MATN2: variants seen among roughly 807,000 people sequenced by gnomAD.
MATN2 encodes matrilin 2.
Under a neutral mutation model 103.2 loss-of-function variants are expected in MATN2, and 69 were observed. The ratio of observed to expected loss-of-function variants is 0.67; its 90% CI spans 0.55 to 0.82. The LOEUF (loss-of-function observed/expected upper bound fraction) is 0.82, where lower values mean the gene tolerates loss of function less well. Ranked by LOEUF, MATN2 falls within the 40% of genes least tolerant of loss-of-function variation. The pLI is 0.00. For synonymous variants in MATN2, 429 were observed against 450.2 expected (o/e 0.95, Z 0.60); for missense variants, 1,023 against 1,211.5 (o/e 0.84, Z 2.31).
chr8:98,025,008 T>C (rs1347480555), intron 13 of MATN2: 25 of 152,214 alleles, frequency 1.6e-4, no homozygotes, highest in Admixed American at 1.5e-3. Flanking sequence ...AGTTTTGTTC[T>C]GTAAGAAAAA....
Position 98,032,256 on chromosome 8 carries a change from C to T in MATN2, c.2520C>T (p.Asp840=), listed in dbSNP as rs1814055439. Reference sequence around the variant, plus strand: ...TCTTTTTCTGCTCAGCTCTAGAAGACTCCGATGGAAGACAGGACTCTCCAG... The same window carrying T: ...TCTTTTTCTGCTCAGCTCTAGAAGATTCCGATGGAAGACAGGACTCTCCAG... The part of the protein sequence containing the change: ...LKKGICEALE[D]SDGRQDSPAG... The change falls in exon 16 of 19, where the codon GAC becomes GAT. Residue 840 remains aspartate, a synonymous_variant. Transcript: ENST00000254898. The T allele has an allele frequency of 6.2e-7, 1 of 1,611,220 alleles. No homozygotes were observed. The highest frequency in any genetic ancestry group is 1.3e-5 in the African/African-American group (1 of 74,882).
chr8:97,924,148 T>C (rs2513838), intron 2 of MATN2, among the ~76,000 whole-genome samples: 100,223 of 152,090 alleles, frequency 0.66, 33,740 homozygotes, highest in East Asian at 0.94. Context: ...CTCGTTTGGC[T>C]ACATGATAAC....
intron 2 of MATN2, among the ~76,000 whole-genome samples, chr8:97,914,116 G>A (rs890962339): frequency 1.3e-5 from 2 of 152,042 alleles, no homozygotes; most frequent in Non-Finnish European, 2.9e-5. Context: ...CATTCTCTCT[G>A]GTGCCTTCTC....
chr8:97,993,440 C>T (rs1347153763), intron 6 of MATN2, among the ~76,000 whole-genome samples: 1 of 151,622 alleles, frequency 6.6e-6, no homozygotes, highest in Non-Finnish European at 1.5e-5. Flanking sequence ...TGCTCAGATT[C>T]TGCAATAAAA....
At chr8:97,884,600 G>A (rs1011297002) in intron 1 of MATN2, among the ~76,000 whole-genome samples, 29 of 151,982 alleles carry the variant, frequency 1.9e-4, no homozygotes, top group Middle Eastern at 3.2e-3. Flanking sequence ...ATGAAACCCC[G>A]CCTCTACTAA....
intron 6 of MATN2, among the ~76,000 whole-genome samples, chr8:97,992,899 G>A (rs1329232428): frequency 2.0e-5 from 3 of 150,764 alleles, no homozygotes; most frequent in Admixed American, 6.6e-5. Flanking sequence ...CAGCCTGGGC[G>A]ATGGAGCGAG....
chr8:97,930,914 C>T (rs745966754), intron 2 of MATN2, 39 bp from the exon 3 acceptor site: 4 of 1,447,146 alleles, frequency 2.8e-6, no homozygotes, highest in Non-Finnish European at 3.8e-6. Flanking sequence ...CCACACCTGG[C>T]CTCTCTTCTA....
At chr8:97,879,730 G>A (rs1392143160) in intron 1 of MATN2, among the ~76,000 whole-genome samples, 1 of 152,226 alleles carries the variant, frequency 6.6e-6, no homozygotes, top group East Asian at 1.9e-4. Context: ...AGGAAAAGAT[G>A]ACTTTGTGTC....
chr8:97,880,083 CTTTT>C (rs5893432), intron 1 of MATN2, among the ~76,000 whole-genome samples: 15 of 108,628 alleles, frequency 1.4e-4, no homozygotes, highest in Non-Finnish European at 9.8e-5. Context: ...ATCTTTCTTT[CTTTT>C]TTTTTTTTTT....
intron 6 of MATN2, among the ~76,000 whole-genome samples, chr8:97,991,498 G>A (rs918476267): frequency 6.6e-6 from 1 of 152,170 alleles, no homozygotes; most frequent in Non-Finnish European, 1.5e-5. Context: ...GAGGCGAGTG[G>A]ATTGCCTGAG....
Position 97,990,135 on chromosome 8 carries a change from T to C in MATN2, c.1082-4345T>C, listed in dbSNP as rs145053987. On this transcript the variant is annotated intron_variant, in intron 6 of 18. Transcript: ENST00000254898. ...AGGCAGAGGTTTCAGTGAGCTGAGA[T>C]TGCACCACTGCATTCCAGCCTGGGT... Among the ~76,000 whole-genome samples, 350 of 141,320 alleles carry C rather than the reference T, an allele frequency of 2.5e-3. 2 individuals carry two copies. Among genetic ancestry groups the C allele is most frequent in the Non-Finnish European group, 4.1e-3 (273 of 67,100 alleles). The allele number at this position is 141,320 out of a possible 152,430, so 92.7% of individuals were successfully genotyped here.
chr8:97,896,083 A>C (rs1186536257), intron 2 of MATN2, among the ~76,000 whole-genome samples: 1 of 152,204 alleles, frequency 6.6e-6, no homozygotes, highest in Non-Finnish European at 1.5e-5. Flanking sequence ...GCAGCCGGTC[A>C]CACCTGGGTT....
chr8:97,991,806 C>T (rs552611065), intron 6 of MATN2, among the ~76,000 whole-genome samples: 3 of 152,242 alleles, frequency 2.0e-5, no homozygotes, highest in African/African-American at 7.2e-5. Context: ...TCAAGCAATC[C>T]TCCAGCCTCA....
chr8:97,888,046 G>T, intron 1 of MATN2, 29 bp from the exon 2 acceptor site: 1 of 1,582,520 alleles, frequency 6.3e-7, no homozygotes, highest in Non-Finnish European at 8.6e-7. Flanking sequence ...ATCTCACCCT[G>T]CCCTCTTCTT....
chr8:98,033,484 C>T, intron 17 of MATN2, 77 bp from the exon 18 acceptor site: 1 of 768,166 alleles, frequency 1.3e-6, no homozygotes. Flanking sequence ...CCTCCATATG[C>T]TGATTCATTC....
At chr8:97,897,231 G>A (rs1818844292) in intron 2 of MATN2, among the ~76,000 whole-genome samples, 2 of 152,230 alleles carry the variant, frequency 1.3e-5, no homozygotes, top group African/African-American at 4.8e-5. Flanking sequence ...TATTACTGTA[G>A]AGAAACCTAC....
chr8:97,936,912 C>A (rs942660173), intron 3 of MATN2, among the ~76,000 whole-genome samples: 7 of 152,296 alleles, frequency 4.6e-5, no homozygotes, highest in Non-Finnish European at 8.8e-5. Context: ...GTTTGAGATT[C>A]TTTTGGTTGA....
intron 2 of MATN2, among the ~76,000 whole-genome samples, chr8:97,924,543 C>T (rs557650295): frequency 2.6e-5 from 4 of 152,208 alleles, no homozygotes; most frequent in East Asian, 3.9e-4. Flanking sequence ...CCTCAAAGAT[C>T]GGTGACCTCT....
At chr8:98,021,745 G>A (rs932490100) in intron 13 of MATN2, among the ~76,000 whole-genome samples, 1 of 150,754 alleles carries the variant, frequency 6.6e-6, no homozygotes, top group Non-Finnish European at 1.5e-5. Flanking sequence ...TCTGAGAGTA[G>A]AGAAGATCTT....
Sources: allele counts gnomAD v4.1 joint callset (sites outside exome capture counted in the v4.1 genomes callset), GRCh38; gene constraint gnomAD v4.1.1; transcripts MANE v1.5; gene names NCBI Gene and HGNC (gene_info 2026-07-23, HGNC 2026-07-21).